Variants in CLRN3 observed in about 807,000 individuals in gnomAD.
CLRN3 encodes the protein clarin 3.
Under a neutral mutation model 16.7 loss-of-function variants are expected in CLRN3, and 12 were observed. The observed-to-expected ratio is 0.72, with a 90% CI of 0.46 to 1.16. CLRN3 has a LOEUF of 1.16. Ranked by LOEUF, CLRN3 falls within the 50% of genes most tolerant of loss-of-function variation. The pLI is 0.00. For missense variants in CLRN3, 296 were observed against 274.2 expected, an observed-to-expected ratio of 1.08 and a Z score of -0.56; for synonymous variants, 118 against 113.0, an observed-to-expected ratio of 1.04 and a Z score of -0.28.
At chr10:127,882,094 G>A (rs1367091887) in intron 2 of CLRN3, among the ~76,000 whole-genome samples, 1 of 152,242 alleles carries the variant, frequency 6.6e-6, no homozygotes, top group Non-Finnish European at 1.5e-5. Flanking sequence ...TGGCATTCAG[G>A]TGAGTATATC....
intron 1 of CLRN3, 94 bp from the exon 2 acceptor site, chr10:127,883,969 T>C: frequency 3.3e-6 from 4 of 1,199,070 alleles, no homozygotes; most frequent in East Asian, 2.5e-5. Context: ...TGACTTGAGT[T>C]ACTGGTTGTT....
chr10:127,879,972 T>A (rs1171548500), intron 2 of CLRN3, among the ~76,000 whole-genome samples: 2 of 152,092 alleles, frequency 1.3e-5, no homozygotes, highest in African/African-American at 4.8e-5. Context: ...ATCAAATGTA[T>A]CCTGCTATAA....
intron 1 of CLRN3, among the ~76,000 whole-genome samples, chr10:127,889,073 A>G (rs989972883): frequency 7.2e-5 from 11 of 152,194 alleles, no homozygotes; most frequent in Non-Finnish European, 4.4e-5. Context: ...TGTTCTTGGA[A>G]CTGAGAACAA....
chr10:127,886,848 T>C (rs1408184156), intron 1 of CLRN3, among the ~76,000 whole-genome samples: 1 of 152,216 alleles, frequency 6.6e-6, no homozygotes, highest in African/African-American at 2.4e-5. Context: ...TAATAACCCA[T>C]AGAGCGTGGT....
rs1044479594 is a variant in CLRN3, at chr10:127,892,687, C to A, written c.98G>T (p.Trp33Leu). 2.5e-6 allele frequency: 4 copies of A among 1,612,238 alleles called. No homozygotes were observed. Among genetic ancestry groups the A allele is most frequent in the African/African-American group, 1.3e-5 (1 of 74,888 alleles). ...TCTAACAGCAATTGTACTGGTGATCCATGCTTGTGTCCCAAGAATAGAGCA... is the reference window on the plus strand; with the variant it reads ...TCTAACAGCAATTGTACTGGTGATCAATGCTTGTGTCCCAAGAATAGAGCA... ...VICSILGTQA[W>L]ITSTIAVRDS... The change falls in exon 1 of 3, where the codon TGG becomes TTG. Residue 33 changes from tryptophan to leucine, a missense_variant. By Grantham distance (61) the Trp-to-Leu change is moderately conservative. Transcript: ENST00000368671.
chr10:127,887,825 T>A (rs1845213922), intron 1 of CLRN3, among the ~76,000 whole-genome samples: 1 of 152,250 alleles, frequency 6.6e-6, no homozygotes, highest in African/African-American at 2.4e-5. Flanking sequence ...CCGTTCTTTT[T>A]CTTCCTTTTA....
chr10:127,877,862 T>G lies in CLRN3; in HGVS notation c.*287A>C. The G allele has an allele frequency of 2.8e-6, 1 of 362,240 alleles. No individual in the cohort carries two copies. The allele number at this position is 362,240 out of a possible 1,614,324, so 22.4% of individuals were successfully genotyped here. On this transcript the variant is annotated 3_prime_UTR_variant, in exon 3 of 3. Coordinates refer to ENST00000368671, the MANE Select transcript of CLRN3 (RefSeq NM_152311.5). ...CAAAGAAAAGAAACATGACACAGCC[T>G]TTTATTATTTCAGATCGTGAGACCA...
Position 127,877,952 on chromosome 10 carries a change from T to C in CLRN3, c.*197A>G, listed in dbSNP as rs371504217. On this transcript the variant is annotated 3_prime_UTR_variant, in exon 3 of 3. Coordinates refer to ENST00000368671, the MANE Select transcript of CLRN3 (RefSeq NM_152311.5). ...TTGAATACCACACAGACCAGCGACA[T>C]TTCCCATTCATTTCCCCAACCTTGT... is the stretch of plus-strand genomic sequence containing the variant. 527 of 613,972 alleles carry C rather than the reference T, an allele frequency of 8.6e-4. 12 individuals are homozygous for C. In the South Asian group the frequency reaches 0.01, roughly 12 times the overall value. The allele number at this position is 613,972 out of a possible 1,614,324, so 38.0% of individuals were successfully genotyped here.
chr10:127,885,172 C>T (rs1386451492), intron 1 of CLRN3, among the ~76,000 whole-genome samples: 1 of 152,066 alleles, frequency 6.6e-6, no homozygotes, highest in Non-Finnish European at 1.5e-5. Context: ...GCCCACGGGT[C>T]GAAGGTCAAG....
At position 127,892,457 on chromosome 10, in the gene CLRN3, C is replaced by T. The variant is rs1004137539; in HGVS notation, c.229+99G>A. 3 of 757,438 alleles carry T rather than the reference C, an allele frequency of 4.0e-6. No homozygotes were observed. The African/African-American group carries it at 5.3e-5, about 13-fold the overall frequency. 46.9% of individuals were successfully genotyped at this position (757,438 alleles called of 1,614,324 possible). ...TACCTTCAGCCTAACCCAAAACTTACAAAGAAATTATTTTTGAATGGTTAT... is the reference window on the plus strand; with the variant it reads ...TACCTTCAGCCTAACCCAAAACTTATAAAGAAATTATTTTTGAATGGTTAT... On this transcript the variant is annotated intron_variant, in intron 1 of 2. Coordinates refer to ENST00000368671, the MANE Select transcript of CLRN3 (RefSeq NM_152311.5).
intron 1 of CLRN3, among the ~76,000 whole-genome samples, chr10:127,889,976 G>A (rs915177377): frequency 1.3e-5 from 2 of 152,122 alleles, no homozygotes; most frequent in African/African-American, 2.4e-5. Context: ...CCTCCAACTG[G>A]GCTTTGCAGA....
At chr10:127,882,190 T>C (rs1646718640) in intron 2 of CLRN3, among the ~76,000 whole-genome samples, 1 of 152,244 alleles carries the variant, frequency 6.6e-6, no homozygotes, top group Non-Finnish European at 1.5e-5. Flanking sequence ...ACAGGACTTT[T>C]GTGCCTCGTC....
chr10:127,892,370 A>G (rs1845266926), intron 1 of CLRN3, among the ~76,000 whole-genome samples, 186 bp downstream of exon 1: 1 of 152,256 alleles, frequency 6.6e-6, no homozygotes, highest in East Asian at 1.9e-4. Flanking sequence ...AATAGACACA[A>G]GGAGAACCGA....
chr10:127,885,272 C>T (rs544103421), intron 1 of CLRN3, among the ~76,000 whole-genome samples: 6 of 152,230 alleles, frequency 3.9e-5, no homozygotes, highest in Admixed American at 1.3e-4. Context: ...GGAGGGGTCA[C>T]CAAGTCCCCT....
chr10:127,883,915 A>G (rs1193424028), intron 1 of CLRN3, 40 bp from the exon 2 acceptor site: 1 of 1,582,728 alleles, frequency 6.3e-7, no homozygotes, highest in Admixed American at 1.7e-5. Flanking sequence ...CATAATGCAA[A>G]CACCAGCTCT....
chr10:127,889,824 G>A (rs572991382), intron 1 of CLRN3, among the ~76,000 whole-genome samples: 28 of 152,218 alleles, frequency 1.8e-4, no homozygotes, highest in South Asian at 8.3e-4. Context: ...TTGTGCTTCC[G>A]GGGCCCTGAC....
Position 127,889,987 on chromosome 10 carries a change from C to T in CLRN3, c.229+2569G>A, listed in dbSNP as rs1332993680. 2.6e-5 allele frequency among the ~76,000 whole-genome samples: 4 copies of T among 152,214 alleles called. No homozygotes were observed. The South Asian group carries it at 8.3e-4, about 32-fold the overall frequency. ...CTGTCCTCCAACTGGGCTTTGCAGA[C>T]ATGCATTTCCCCCAACCCCCTTGCT... On this transcript the variant is annotated intron_variant, in intron 1 of 2. Coordinates refer to ENST00000368671, the MANE Select transcript of CLRN3 (RefSeq NM_152311.5).
intron 2 of CLRN3, among the ~76,000 whole-genome samples, chr10:127,882,664 G>A (rs1453641220): frequency 2.0e-5 from 3 of 152,138 alleles, no homozygotes; most frequent in East Asian, 3.8e-4. Context: ...CTCAATGGAG[G>A]GACAGGATGA....
intron 2 of CLRN3, among the ~76,000 whole-genome samples, chr10:127,880,542 A>G (rs1591258944): frequency 6.6e-6 from 1 of 152,030 alleles, no homozygotes; most frequent in African/African-American, 2.4e-5. Context: ...ATGAGACACA[A>G]ATGTATTTGG....
Sources: gnomAD v4.1 joint callset for allele counts (sites outside exome capture counted in the v4.1 genomes callset) on GRCh38, gnomAD v4.1.1 for gene constraint, MANE v1.5 for transcripts, NCBI Gene and HGNC (gene_info 2026-07-23, HGNC 2026-07-21) for gene names.